The following SCAPER variants were observed in gnomAD, a reference collection of about 807,000 sequenced individuals.
SCAPER encodes the protein S phase cyclin A-associated protein in the endoplasmic reticulum.
SCAPER carries 98 observed loss-of-function variants against 182.2 expected under a neutral mutation model. The observed-to-expected ratio is 0.54, with a 90% CI of 0.46 to 0.64. The LOEUF (loss-of-function observed/expected upper bound fraction) is 0.64. SCAPER is among the 30% of genes least tolerant of loss of function. The pLI is 0.00. For missense variants in SCAPER, 1,432 were observed against 1,690.0 expected, an observed-to-expected ratio of 0.85 and a Z score of 2.68; for synonymous variants, 605 against 564.6, an observed-to-expected ratio of 1.07 and a Z score of -1.01.
chr15:76,850,859 C>CA (rs59202490), intron 4 of SCAPER, among the ~76,000 whole-genome samples: 2,193 of 89,764 alleles, frequency 0.024, 24 homozygotes, highest in Non-Finnish European at 0.033. Flanking sequence ...GACTCTGTCT[C>CA]AAAAAAAAAA....
chr15:76,668,789 T>C (rs571779036), intron 20 of SCAPER, among the ~76,000 whole-genome samples: 46 of 152,302 alleles, frequency 3.0e-4, no homozygotes, highest in African/African-American at 9.6e-4. Flanking sequence ...GCCTGGCATA[T>C]GGCAAGCACT....
chr15:76,690,079 T>A (rs906553734), intron 20 of SCAPER, among the ~76,000 whole-genome samples: 14 of 151,840 alleles, frequency 9.2e-5, no homozygotes, highest in African/African-American at 3.1e-4. Flanking sequence ...CCTTGAAACC[T>A]CCTTCCAAGA....
At chr15:76,351,024 C>T in intron 31 of SCAPER, 1 of 420,766 alleles carries the variant, frequency 2.4e-6, no homozygotes. Flanking sequence ...TTTTCTTTTA[C>T]TCCCACAGAT....
chr15:76,437,638 C>T (rs1567137647), intron 25 of SCAPER, among the ~76,000 whole-genome samples: 1 of 152,162 alleles, frequency 6.6e-6, no homozygotes, highest in African/African-American at 2.4e-5. Flanking sequence ...TCTCCAACAA[C>T]CTTGTACTGT....
chr15:76,581,169 C>T (rs555017877), intron 22 of SCAPER, among the ~76,000 whole-genome samples: 2 of 152,162 alleles, frequency 1.3e-5, no homozygotes, highest in South Asian at 4.1e-4. Context: ...AGTCTCCCAA[C>T]AACAACAACA....
intron 21 of SCAPER, among the ~76,000 whole-genome samples, chr15:76,655,432 GAGA>G (rs2055549000): frequency 1.3e-5 from 2 of 152,196 alleles, no homozygotes; most frequent in African/African-American, 4.8e-5. Flanking sequence ...CTCCCTGAAA[GAGA>G]AGGAGAGAAA....
At position 76,667,972 on chromosome 15, in the gene SCAPER, CAAAAA is replaced by C. The variant is rs1411281851; in HGVS notation, c.2509-2188_2509-2184del. Among the ~76,000 whole-genome samples the C allele has an allele frequency of 3.4e-5, 5 of 147,270 alleles. 1 individual carries two copies. Among genetic ancestry groups the C allele is most frequent in the African/African-American group, 1.2e-4 (5 of 40,746 alleles). On this transcript the variant is annotated intron_variant, in intron 20 of 31. Transcript: ENST00000563290. ...GGCAAGACTGTCTTTAAAAAAAAAACAAAAAAAAGTCTCCTCAAAATCTCCAGTTA... is the reference window on the plus strand; with the variant it reads ...GGCAAGACTGTCTTTAAAAAAAAAACAAAGTCTCCTCAAAATCTCCAGTTA...
chr15:76,393,270 G>A (rs756891211), intron 27 of SCAPER, among the ~76,000 whole-genome samples: 1 of 152,184 alleles, frequency 6.6e-6, no homozygotes, highest in Non-Finnish European at 1.5e-5. Context: ...GCGTGAGCAG[G>A]ACTCTTGAAT....
rs767759586 is a variant in SCAPER at position 76,348,598 on chromosome 15, A to G, written c.*35T>C. ...TTTGTTTGGACAATTTAAAATATTA[A>G]CAAGGGTACTCAAATACAGAATCAA... On this transcript the variant is annotated 3_prime_UTR_variant, in exon 32 of 32. Transcript: ENST00000563290. 10 of 1,337,128 alleles carry G rather than the reference A, an allele frequency of 7.5e-6. No individual in the cohort carries two copies. Among genetic ancestry groups the G allele is most frequent in the African/African-American group, 3.0e-5 (2 of 67,330 alleles). The allele number at this position is 1,337,128 out of a possible 1,614,324, so 82.8% of individuals were successfully genotyped here.
At chr15:76,841,143 C>A (rs900791637) in intron 5 of SCAPER, among the ~76,000 whole-genome samples, 1 of 152,096 alleles carries the variant, frequency 6.6e-6, no homozygotes, top group Non-Finnish European at 1.5e-5. Flanking sequence ...TGATTCCCTG[C>A]CCAGAACTAT....
intron 22 of SCAPER, among the ~76,000 whole-genome samples, chr15:76,614,383 C>A (rs1351776348): frequency 6.6e-6 from 1 of 151,964 alleles, no homozygotes; most frequent in Non-Finnish European, 1.5e-5. Context: ...CACTTGTAAC[C>A]CTGAACTTAA....
intron 23 of SCAPER, among the ~76,000 whole-genome samples, chr15:76,525,260 T>C (rs987822831): frequency 2.0e-5 from 3 of 152,218 alleles, no homozygotes; most frequent in African/African-American, 7.2e-5. Flanking sequence ...TAAACTCATA[T>C]CTATCATAAG....
At chr15:76,849,004 A>G (rs1165100124) in intron 4 of SCAPER, among the ~76,000 whole-genome samples, 3 of 152,190 alleles carry the variant, frequency 2.0e-5, no homozygotes, top group African/African-American at 7.2e-5. Flanking sequence ...CTGCCACAGT[A>G]ACAGTGCTAT....
chr15:76,377,308 CAAAAA>C (rs1567022131), intron 28 of SCAPER, among the ~76,000 whole-genome samples: 1 of 151,898 alleles, frequency 6.6e-6, no homozygotes, highest in African/African-American at 2.4e-5. Context: ...AGCCCCAAAA[CAAAAA>C]AATGTTTTTC....
At chr15:76,556,440 G>C (rs1248516322) in intron 23 of SCAPER, among the ~76,000 whole-genome samples, 1 of 152,182 alleles carries the variant, frequency 6.6e-6, no homozygotes, top group Non-Finnish European at 1.5e-5. Context: ...AAATTCAGAA[G>C]TGGGTTCTTT....
chr15:76,398,027 C>CAT (rs2142080225), intron 27 of SCAPER, among the ~76,000 whole-genome samples: 1 of 152,268 alleles, frequency 6.6e-6, no homozygotes, highest in South Asian at 2.1e-4. Flanking sequence ...AAAATACCAC[C>CAT]ATATATATCT....
intron 23 of SCAPER, among the ~76,000 whole-genome samples, chr15:76,540,471 G>C (rs2044631916): frequency 6.6e-6 from 1 of 152,076 alleles, no homozygotes; most frequent in Admixed American, 6.5e-5. Context: ...GTTGACATGA[G>C]ATGTTCATAT....
rs533977214 is a variant in SCAPER, at chr15:76,649,081, C to T, written c.2645+16572G>A. Among the ~76,000 whole-genome samples the T allele has an allele frequency of 4.0e-5, 6 of 151,014 alleles. 1 individual carries two copies. The highest frequency in any genetic ancestry group is 1.4e-4 in the African/African-American group (6 of 41,504). On this transcript the variant is annotated intron_variant, in intron 21 of 31. Coordinates refer to ENST00000563290, the MANE Select transcript of SCAPER (RefSeq NM_020843.4). The stretch of plus-strand genomic sequence containing the variant: ...CCTCCATGAAACCAGAAGACCCACT[C>T]GAGCGCCCCTCTCTTTCTGCAGGAG...
intron 2 of SCAPER, among the ~76,000 whole-genome samples, chr15:76,864,068 A>G (rs2072083484): frequency 6.6e-6 from 1 of 152,192 alleles, no homozygotes; most frequent in Non-Finnish European, 1.5e-5. Flanking sequence ...CCAACATCAC[A>G]TCACAAAAAT....
Sources: gnomAD v4.1 joint callset for allele counts (sites outside exome capture counted in the v4.1 genomes callset) on GRCh38, gnomAD v4.1.1 for gene constraint, MANE v1.5 for transcripts, NCBI Gene and HGNC (gene_info 2026-07-23, HGNC 2026-07-21) for gene names.